Variants in EEIG2 observed in about 807,000 individuals in gnomAD.
EEIG2 encodes the protein family with sequence similarity 102 member B.
the EEIG2 span, among the ~76,000 whole-genome samples, chr1:108,580,743 G>A: frequency 6.6e-6 from 1 of 152,160 alleles, no homozygotes; most frequent in Non-Finnish European, 1.5e-5. Flanking sequence ...GGTGAGGGAA[G>A]TGCAAAAGAA....
the EEIG2 span, among the ~76,000 whole-genome samples, chr1:108,577,068 T>C: frequency 1.4e-5 from 2 of 142,638 alleles, no homozygotes; most frequent in African/African-American, 5.2e-5. Context: ...CATTTTTTCA[T>C]GTATTTTTTG....
chr1:108,580,973 A>G, the EEIG2 span, among the ~76,000 whole-genome samples: 20 of 152,198 alleles, frequency 1.3e-4, no homozygotes, highest in African/African-American at 4.8e-4. Context: ...AGAGAAGTCA[A>G]TGCCTGGCTT....
At chr1:108,628,195 A>G in the EEIG2 span, 30 of 1,614,218 alleles carry the variant, frequency 1.9e-5, no homozygotes, top group South Asian at 3.3e-4. Context: ...CCTCTGTTCC[A>G]GACGAACTTG....
At chr1:108,598,021 T>C in the EEIG2 span, among the ~76,000 whole-genome samples, 2 of 152,032 alleles carry the variant, frequency 1.3e-5, no homozygotes, top group African/African-American at 4.8e-5. Flanking sequence ...CAAGAGATGT[T>C]GGGAGAGAAG....
chr1:108,565,317 C>T, the EEIG2 span, among the ~76,000 whole-genome samples: 3 of 152,144 alleles, frequency 2.0e-5, no homozygotes, highest in Non-Finnish European at 4.4e-5. Context: ...GTATAGCCTA[C>T]TACGTGCTTA....
the EEIG2 span, among the ~76,000 whole-genome samples, chr1:108,590,272 T>A: frequency 6.6e-6 from 1 of 152,170 alleles, no homozygotes; most frequent in Non-Finnish European, 1.5e-5. Context: ...TGACTTATCC[T>A]TGGAGTATTA....
At chr1:108,584,629 A>G in the EEIG2 span, among the ~76,000 whole-genome samples, 4 of 152,174 alleles carry the variant, frequency 2.6e-5, no homozygotes, top group Admixed American at 2.0e-4. Context: ...CCACCTTTCA[A>G]TGGCAGTTTC....
the EEIG2 span, chr1:108,624,867 T>A: frequency 2.8e-6 from 2 of 722,950 alleles, no homozygotes; most frequent in Non-Finnish European, 4.7e-6. Context: ...TCAACAGTTT[T>A]AATTATGTAA....
At chr1:108,567,932 G>A in the EEIG2 span, among the ~76,000 whole-genome samples, 2 of 152,028 alleles carry the variant, frequency 1.3e-5, no homozygotes, top group Non-Finnish European at 2.9e-5. Flanking sequence ...TTGGGAGATT[G>A]AAGCTGCAAT....
At chr1:108,631,920 C>G in the EEIG2 span, among the ~76,000 whole-genome samples, 1 of 151,772 alleles carries the variant, frequency 6.6e-6, no homozygotes, top group African/African-American at 2.4e-5. Context: ...TCAAGACCAG[C>G]CTGGCCAACA....
At chr1:108,606,412 T>G in the EEIG2 span, among the ~76,000 whole-genome samples, 1 of 152,240 alleles carries the variant, frequency 6.6e-6, no homozygotes, top group Non-Finnish European at 1.5e-5. Flanking sequence ...CAGTAAATTA[T>G]AGGCATATTC....
At chr1:108,611,285 A>G in the EEIG2 span, among the ~76,000 whole-genome samples, 1 of 152,202 alleles carries the variant, frequency 6.6e-6, no homozygotes, top group East Asian at 1.9e-4. Flanking sequence ...TTGCAACTCA[A>G]TTCATTTTTT....
the EEIG2 span, among the ~76,000 whole-genome samples, chr1:108,593,623 A>G: frequency 6.6e-6 from 1 of 152,174 alleles, no homozygotes; most frequent in South Asian, 2.1e-4. Context: ...TGGGCAAACC[A>G]TTTGACTAGT....
At chr1:108,600,973 G>A in the EEIG2 span, among the ~76,000 whole-genome samples, 1 of 151,960 alleles carries the variant, frequency 6.6e-6, no homozygotes, top group South Asian at 2.1e-4. Flanking sequence ...TCCACTATTT[G>A]TTAAATTCCT....
the EEIG2 span, among the ~76,000 whole-genome samples, chr1:108,567,917 T>C: frequency 1.3e-5 from 2 of 152,042 alleles, no homozygotes; most frequent in African/African-American, 4.8e-5. Context: ...GAGAATCTCT[T>C]GAGCTTGGGA....
the EEIG2 span, among the ~76,000 whole-genome samples, chr1:108,582,738 A>G: frequency 1.3e-5 from 2 of 152,316 alleles, no homozygotes; most frequent in South Asian, 2.1e-4. Context: ...TTTAGGCAGC[A>G]AAGATCTTCA....
chr1:108,590,062 C>CCT, the EEIG2 span, among the ~76,000 whole-genome samples: 1 of 152,114 alleles, frequency 6.6e-6, no homozygotes, highest in Admixed American at 6.5e-5. Flanking sequence ...GGCTCCTCAA[C>CCT]CTCAAAATAT....
At chr1:108,612,261 C>T in the EEIG2 span, 1 of 1,612,550 alleles carries the variant, frequency 6.2e-7, no homozygotes, top group East Asian at 2.2e-5. Flanking sequence ...GCTATGATAC[C>T]AAAAATACAA....
chr1:108,619,968 T>C, the EEIG2 span, among the ~76,000 whole-genome samples: 1 of 152,190 alleles, frequency 6.6e-6, no homozygotes, highest in East Asian at 1.9e-4. Flanking sequence ...AAGATAAGAA[T>C]AGATTTTCCA....
Sources: allele counts gnomAD v4.1 joint callset (sites outside exome capture counted in the v4.1 genomes callset), GRCh38; gene constraint gnomAD v4.1.1; transcripts MANE v1.5; gene names NCBI Gene and HGNC (gene_info 2026-07-23, HGNC 2026-07-21).